The following SCNN1D variants were observed in gnomAD, a reference collection of about 807,000 sequenced individuals.
SCNN1D encodes the protein epithelial sodium channel subunit delta.
SCNN1D carries 104 observed loss-of-function variants against 87.8 expected under a neutral mutation model. The observed-to-expected ratio is 1.18, with a 90% CI of 1.01 to 1.39. The LOEUF (loss-of-function observed/expected upper bound fraction) is 1.39. Among genes scored for constraint, SCNN1D ranks in the 40% most tolerant of loss-of-function variants. The probability of loss-of-function intolerance (pLI) is 0.00; values close to 1 mark genes in which losing one functional copy is unlikely to be tolerated. For missense variants in SCNN1D, 1,324 were observed against 1,093.9 expected (o/e 1.21, Z -2.97); for synonymous variants, 628 against 481.2 (o/e 1.31, Z -3.99).
At chr1:1,290,242 A>C (rs575940086) in intron 12 of SCNN1D, 29 bp from the exon 13 acceptor site, 92 of 1,484,722 alleles carry the variant, frequency 6.2e-5, no homozygotes, top group Non-Finnish European at 8.3e-5. Flanking sequence ...GCTCCATCCC[A>C]TGTCCCTGCT....
chr1:1,281,494 C>T lies in SCNN1D; in HGVS notation c.161C>T (p.Pro54Leu), dbSNP rs1331818881. ...CCCCACCCCACCCCCTGCACCGGGCCAGCGAGGGGATGGCCCAGAAGAGGG... is the reference window on the plus strand; with the variant it reads ...CCCCACCCCACCCCCTGCACCGGGCTAGCGAGGGGATGGCCCAGAAGAGGG... ...GSPHPTPCTGPARGWPRRGGG... is the reference protein window; with the variant it reads ...GSPHPTPCTGLARGWPRRGGG... Residue 54 changes from proline (P) to leucine (L), a missense_variant, in exon 3 of 18, where the codon CCA (proline) becomes CTA (leucine). Pro to Leu is a moderately conservative substitution (Grantham distance 98). Coordinates refer to ENST00000379116, the MANE Select transcript of SCNN1D (RefSeq NM_001130413.4). 6.5e-7 allele frequency: 1 copy of T among 1,530,378 alleles called. No individual in the cohort carries two copies. The highest frequency in any genetic ancestry group is 1.2e-5 in the South Asian group (1 of 83,062). 94.8% of individuals were successfully genotyped at this position (1,530,378 alleles called of 1,614,324 possible).
chr1:1,282,345 G>A, intron 4 of SCNN1D, 30 bp downstream of exon 4: 3 of 1,549,288 alleles, frequency 1.9e-6, no homozygotes, highest in Non-Finnish European at 2.6e-6. Context: ...TCAGAGCCAT[G>A]GCTCTGCTGC....
chr1:1,281,784 G>A, intron 3 of SCNN1D, 174 bp downstream of exon 3: 3 of 635,658 alleles, frequency 4.7e-6, no homozygotes, highest in African/African-American at 1.8e-5. Flanking sequence ...GAAGCCGGGG[G>A]CCTTGCTCCT....
intron 1 of SCNN1D, 101 bp from the exon 2 acceptor site, chr1:1,281,125 G>T (rs1331572282): frequency 2.4e-5 from 27 of 1,105,552 alleles, no homozygotes; most frequent in Non-Finnish European, 3.4e-5. Context: ...GACTCAGAGT[G>T]ACCCTGAGTG....
chr1:1,286,996 C>CT (rs1640607480), intron 8 of SCNN1D, 21 bp downstream of exon 8: 2 of 1,605,994 alleles, frequency 1.2e-6, no homozygotes, highest in Non-Finnish European at 1.7e-6. Flanking sequence ...CAGCCGGGGC[C>CT]TGCAGCCATC....
chr1:1,282,424 G>A, intron 4 of SCNN1D, 109 bp downstream of exon 4: 1 of 1,284,592 alleles, frequency 7.8e-7, no homozygotes, highest in Non-Finnish European at 1.1e-6. Flanking sequence ...CAGGATGTCA[G>A]GAACACAGAG....
Position 1,285,656 on chromosome 1 carries a change from CAG to C in SCNN1D, c.551_552del (p.Gln184ArgfsTer88). On this transcript the variant is annotated frameshift_variant, in exon 6 of 18. Coordinates refer to ENST00000379116, the MANE Select transcript of SCNN1D (RefSeq NM_001130413.4). LOFTEE classifies it high-confidence loss of function. ...RPTQHNAACKQGQAAAQTPPR... is the reference protein window; with the variant it reads ...RPTQHNAACKXGQAAAQTPPR... ...CACTCAGCACAACGCTGCCTGCAAA[CAG>C]GGCCAGGTAGGGCCTGAGCACCCTG... is the stretch of plus-strand genomic sequence containing the variant. 5 of 1,544,362 alleles carry C rather than the reference CAG, an allele frequency of 3.2e-6. No individual in the cohort carries two copies. Among genetic ancestry groups the C allele is most frequent in the African/African-American group, 1.4e-5 (1 of 72,996 alleles).
Position 1,290,313 on chromosome 1 carries a change from T to G in SCNN1D, c.1705T>G (p.Cys569Gly). Residue 569 changes from cysteine to glycine, a missense_variant, in exon 13 of 18, where the codon TGC (cysteine) becomes GGC (glycine). Coordinates refer to ENST00000379116, the MANE Select transcript of SCNN1D (RefSeq NM_001130413.4). ...SCFQQLMVETCSCGYYLHPLP... is the reference protein window; with the variant it reads ...SCFQQLMVETGSCGYYLHPLP... ...CTTCCAGCAGCTGATGGTGGAGACC[T>G]GCTCCTGTGGCTACTACCTCCACCC... is the stretch of plus-strand genomic sequence containing the variant. The G allele has an allele frequency of 6.3e-7, 1 of 1,590,986 alleles. No individual in the cohort carries two copies.
In SCNN1D at chr1:1,290,896, G is replaced by C; in HGVS notation, c.1919G>C (p.Gly640Ala). The C allele has an allele frequency of 1.9e-6, 3 of 1,610,186 alleles. No homozygotes were observed. In the South Asian group the frequency reaches 3.3e-5, roughly 18 times the overall value. ...CCACAGCAAACCTTCCGTCTGCAGG[G>C]ATGGACTCTGGCCACGCTAGGTGAA... ...TSRWPSAKSA[G>A]WTLATLGEQG... Residue 640 changes from glycine to alanine, a missense_variant and splice_region_variant, in exon 16 of 18, where the codon GGA (glycine) becomes GCA (alanine). Physicochemically the swap from Gly to Ala is moderately conservative, Grantham distance 60. Transcript: ENST00000379116.
chr1:1,291,775 C>G lies in SCNN1D; in HGVS notation c.*165C>G. ...CATGTCGGCGCCTCTGGTCAAACCACCTACACTGCCTGGGGTGGGTCTCAA... is the reference window on the plus strand; with the variant it reads ...CATGTCGGCGCCTCTGGTCAAACCAGCTACACTGCCTGGGGTGGGTCTCAA... On this transcript the variant is annotated 3_prime_UTR_variant, in exon 18 of 18. Transcript: ENST00000379116. 1.9e-6 allele frequency: 1 copy of G among 519,126 alleles called. No individual in the cohort carries two copies. Among genetic ancestry groups the G allele is most frequent in the South Asian group, 3.5e-5 (1 of 28,610 alleles). 32.2% of individuals were successfully genotyped at this position (519,126 alleles called of 1,614,324 possible). A position where few individuals can be genotyped will look rare whatever the true frequency, so the allele number is the denominator to read the frequency against.
At chr1:1,290,996 T>G in intron 16 of SCNN1D, 43 bp downstream of exon 16, 1 of 1,569,558 alleles carries the variant, frequency 6.4e-7, no homozygotes, top group Non-Finnish European at 8.7e-7. Flanking sequence ...ACAGCCCCTC[T>G]CCCCTCAAAG....
chr1:1,286,447 C>T (rs1354333076), intron 7 of SCNN1D, among the ~76,000 whole-genome samples, 169 bp downstream of exon 7: 2 of 152,078 alleles, frequency 1.3e-5, no homozygotes, highest in Non-Finnish European at 2.9e-5. Context: ...CCAGCCCGGA[C>T]CTCTCGGACT....
chr1:1,284,097 TGGGG>T lies in SCNN1D; in HGVS notation c.464+13_464+16del, dbSNP rs759040200. 1.5e-5 allele frequency: 1 copy of T among 64,862 alleles called. No individual in the cohort carries two copies. Among genetic ancestry groups the T allele is most frequent in the Non-Finnish European group, 1.7e-5 (1 of 57,364 alleles). 4.0% of individuals were successfully genotyped at this position (64,862 alleles called of 1,614,324 possible). On this transcript the variant is annotated splice_region_variant and intron_variant, in intron 5 of 17. Transcript: ENST00000379116. Reference sequence around the variant, plus strand: ...GGGGGGCTCTCACCTCCAGGTACCGTGGGGGGGGGTGAGGGGGGTGGGGGGGTTG... The same window carrying T: ...GGGGGGCTCTCACCTCCAGGTACCGTGGGGGTGAGGGGGGTGGGGGGGTTG...
At chr1:1,280,940 G>C in intron 1 of SCNN1D, 1 of 582,394 alleles carries the variant, frequency 1.7e-6, no homozygotes, top group Non-Finnish European at 3.1e-6. Context: ...TTCTGCGGAG[G>C]CTCCACTGGA....
At chr1:1,290,148 C>G in intron 12 of SCNN1D, 123 bp from the exon 13 acceptor site, 1 of 565,212 alleles carries the variant, frequency 1.8e-6, no homozygotes, top group Non-Finnish European at 3.0e-6. Context: ...CTGCTCCGTC[C>G]CGTGTCTCTG....
chr1:1,284,035 A>C lies in SCNN1D; in HGVS notation c.409A>C (p.Thr137Pro). 16 of 1,380,282 alleles carry C rather than the reference A, an allele frequency of 1.2e-5. No individual in the cohort carries two copies. The highest frequency in any genetic ancestry group is 1.5e-5 in the Non-Finnish European group (16 of 1,072,440). 85.5% of individuals were successfully genotyped at this position (1,380,282 alleles called of 1,614,324 possible). A position where few individuals can be genotyped will look rare whatever the true frequency, so the allele number is the denominator to read the frequency against. Residue 137 changes from threonine (T) to proline (P), a missense_variant, in exon 5 of 18, where the codon ACC becomes CCC. Thr to Pro is a conservative substitution (Grantham distance 38). Transcript: ENST00000379116. ...CCAGCTGCCCCCGCAATGGCTGAGC[A>C]CCGAAGCATGGACGGGAGAATGGAA... ...SCQLPPQWLS[T>P]EAWTGEWKQP...
In SCNN1D at chr1:1,290,297, G is replaced by T; in HGVS notation, c.1689G>T (p.Gln563His). ...CCTGCCTGGTGTCCTGCTTCCAGCA[G>T]CTGATGGTGGAGACCTGCTCCTGTG... ...RQACLVSCFQQLMVETCSCGY... is the reference protein window; with the variant it reads ...RQACLVSCFQHLMVETCSCGY... The change falls in exon 13 of 18, where the codon CAG (glutamine) becomes CAT (histidine). Residue 563 changes from glutamine to histidine, a missense_variant. Transcript: ENST00000379116. 6.3e-7 allele frequency: 1 copy of T among 1,579,180 alleles called. No individual in the cohort carries two copies. Among genetic ancestry groups the T allele is most frequent in the South Asian group, 1.2e-5 (1 of 85,414 alleles).
intron 3 of SCNN1D, 137 bp from the exon 4 acceptor site, chr1:1,282,105 C>T: frequency 1.5e-6 from 1 of 646,382 alleles, no homozygotes; most frequent in Non-Finnish European, 2.9e-6. Flanking sequence ...TGTGGGGTCT[C>T]TGTGACATCA....
At chr1:1,288,502 TCTGCCCCGTCCCGTGTCC>T (rs1557584749) in intron 12 of SCNN1D, among the ~76,000 whole-genome samples, 12 of 111,142 alleles carry the variant, frequency 1.1e-4, no homozygotes, top group East Asian at 8.3e-4. Context: ...GTCCCGTGTC[TCTGCCCCGTCCCGTGTCC>T]CTGCTCCGTC....
Sources: gnomAD v4.1 joint callset for allele counts (sites outside exome capture counted in the v4.1 genomes callset) on GRCh38, gnomAD v4.1.1 for gene constraint, MANE v1.5 for transcripts, NCBI Gene and HGNC (gene_info 2026-07-23, HGNC 2026-07-21) for gene names.